The following STAB2 variants were observed in gnomAD, a reference collection of about 807,000 sequenced individuals.
STAB2 encodes stabilin-2.
STAB2 carries 288 observed loss-of-function variants against 338.1 expected under a neutral mutation model. The ratio of observed to expected loss-of-function variants is 0.85; its 90% CI spans 0.77 to 0.94. The LOEUF (loss-of-function observed/expected upper bound fraction) is 0.94, where lower values mean the gene tolerates loss of function less well. Ranked by LOEUF, STAB2 falls within the 40% of genes least tolerant of loss-of-function variation. The pLI, the probability that STAB2 is intolerant of heterozygous loss-of-function variation, is 0.00. For synonymous variants in STAB2, 1,202 were observed against 1,193.3 expected (o/e 1.01, Z -0.15); for missense variants, 3,141 against 3,210.1 (o/e 0.98, Z 0.52).
chr12:103,716,759 T>C (rs1880349554), intron 43 of STAB2, among the ~76,000 whole-genome samples: 1 of 152,218 alleles, frequency 6.6e-6, no homozygotes, highest in South Asian at 2.1e-4. Flanking sequence ...TTGGTAGTTT[T>C]TATTTCAAAC....
intron 18 of STAB2, among the ~76,000 whole-genome samples, chr12:103,665,985 C>G (rs703637): frequency 0.15 from 23,128 of 152,236 alleles, 1,810 homozygotes; most frequent in East Asian, 0.19. Context: ...TCCCTGCATG[C>G]AGAGAATTGA....
chr12:103,655,523 A>G lies in STAB2; in HGVS notation c.1676A>G (p.Asn559Ser), dbSNP rs1565988268. The G allele has an allele frequency of 6.2e-7, 1 of 1,614,090 alleles. No individual in the cohort carries two copies. The highest frequency in any genetic ancestry group is 8.5e-7 in the Non-Finnish European group (1 of 1,180,032). Residue 559 changes from asparagine to serine, a missense_variant, in exon 15 of 69, where the codon AAT becomes AGT. Physicochemically the swap from Asn to Ser is conservative, Grantham distance 46. Coordinates refer to ENST00000388887, the MANE Select transcript of STAB2 (RefSeq NM_017564.10). ...VGGPYTIFVP[N>S]NEALNNMKDG... Reference sequence around the variant, plus strand: ...GGACCATACACCATTTTTGTTCCAAATAATGAAGCATTGAATAACATGAAG... The same window carrying G: ...GGACCATACACCATTTTTGTTCCAAGTAATGAAGCATTGAATAACATGAAG...
rs697212 is a variant in STAB2, at chr12:103,706,839, C to T, written c.4044C>T (p.Cys1348=). The change falls in exon 38 of 69, where the codon TGC becomes TGT. Residue 1348 remains cysteine (C), a synonymous_variant. Transcript: ENST00000388887. ...TCTTTGGCCCCCAATGCCAGCCCTG[C>T]CCAGGGAATGCCCAGAATGTCTGCT... The part of the protein sequence containing the change: ...AGFFGPQCQP[C]PGNAQNVCFG... 0.48 allele frequency: 774,660 copies of T among 1,614,064 alleles called. 193,071 individuals are homozygous for T. The highest frequency in any genetic ancestry group is 0.71 in the East Asian group (31,708 of 44,858).
Position 103,711,475 on chromosome 12 carries a change from C to T in STAB2, c.4293C>T (p.Thr1431=). The change falls in exon 40 of 69, where the codon ACC becomes ACT. Residue 1431 remains threonine (T), a synonymous_variant. Transcript: ENST00000388887. ...GCAACTGGTTCTCTTTTTCAGCAACCACAGAAGACAACTGCAATGGGACAT... is the reference window on the plus strand; with the variant it reads ...GCAACTGGTTCTCTTTTTCAGCAACTACAGAAGACAACTGCAATGGGACAT... ...GWRGVHCDNA[T]TEDNCNGTCH... 6.2e-7 allele frequency: 1 copy of T among 1,614,002 alleles called. No individual in the cohort carries two copies. Among genetic ancestry groups the T allele is most frequent in the Non-Finnish European group, 8.5e-7 (1 of 1,180,002 alleles).
chr12:103,601,489 G>A (rs1414271093), intron 3 of STAB2, among the ~76,000 whole-genome samples: 1 of 152,212 alleles, frequency 6.6e-6, no homozygotes, highest in Non-Finnish European at 1.5e-5. Context: ...CTACTCGGGA[G>A]GCTGAGGCAC....
intron 17 of STAB2, 53 bp downstream of exon 17, chr12:103,660,816 T>C (rs368880060): frequency 6.4e-7 from 1 of 1,561,434 alleles, no homozygotes; most frequent in East Asian, 2.2e-5. Flanking sequence ...CTTTGCTCGA[T>C]AATGATTATT....
At chr12:103,725,399 A>T (rs759154298) in intron 45 of STAB2, among the ~76,000 whole-genome samples, 5 of 152,244 alleles carry the variant, frequency 3.3e-5, no homozygotes, top group Non-Finnish European at 5.9e-5. Flanking sequence ...ACCTCTCTGT[A>T]TATCAATTTT....
intron 12 of STAB2, among the ~76,000 whole-genome samples, chr12:103,653,158 T>C (rs2138736750): frequency 6.6e-6 from 1 of 152,246 alleles, no homozygotes; most frequent in East Asian, 1.9e-4. Context: ...TTGTTTTTTA[T>C]ATAAACCCAT....
chr12:103,686,054 G>T (rs1048393988), intron 27 of STAB2, among the ~76,000 whole-genome samples: 13 of 152,122 alleles, frequency 8.5e-5, no homozygotes, highest in African/African-American at 3.1e-4. Context: ...GATGATCTTT[G>T]TCTTGTTTCC....
Position 103,685,473 on chromosome 12 carries a change from C to CGTGCGTGT in STAB2, c.2997+394_2997+395insTGTGTGCG, listed in dbSNP as rs1877344597. ...GTGTGTGCGCGTGCGTGTGTGTGTG[C>CGTGCGTGT]GTGCGCGCATGTGTGTGTGTGTGTA... On this transcript the variant is annotated intron_variant, in intron 27 of 68. Coordinates refer to ENST00000388887, the MANE Select transcript of STAB2 (RefSeq NM_017564.10). Among the ~76,000 whole-genome samples, 3 of 137,790 alleles carry CGTGCGTGT rather than the reference C, an allele frequency of 2.2e-5. No homozygotes were observed. The Admixed American group carries it at 2.3e-4, about 11-fold the overall frequency. 90.4% of individuals were successfully genotyped at this position (137,790 alleles called of 152,430 possible). A position where few individuals can be genotyped will look rare whatever the true frequency, so the allele number is the denominator to read the frequency against.
intron 68 of STAB2, 79 bp downstream of exon 68, chr12:103,763,687 A>T: frequency 7.9e-7 from 1 of 1,272,080 alleles, no homozygotes; most frequent in Non-Finnish European, 1.1e-6. Flanking sequence ...TTCAGTGGAG[A>T]TCTTTGTACC....
rs756636627 is a variant in STAB2 at position 103,753,201 on chromosome 12, C to T, written c.6581-19C>T. ...ACCTGGTGGGCTGACCTGGGCGATT[C>T]CTCCTCTTCCTCATCCAGATACCAC... On this transcript the variant is annotated intron_variant, in intron 60 of 68. Coordinates refer to ENST00000388887, the MANE Select transcript of STAB2 (RefSeq NM_017564.10). 6.6e-5 allele frequency: 107 copies of T among 1,613,204 alleles called. No homozygotes were observed. Among genetic ancestry groups the T allele is most frequent in the Non-Finnish European group, 8.9e-5 (105 of 1,179,410 alleles).
chr12:103,603,172 A>G (rs1304357561), intron 3 of STAB2, among the ~76,000 whole-genome samples: 1 of 151,974 alleles, frequency 6.6e-6, no homozygotes, highest in Non-Finnish European at 1.5e-5. Context: ...CCGGGTTCAC[A>G]CCATTCTCCT....
chr12:103,604,361 A>G (rs897810393), intron 3 of STAB2, among the ~76,000 whole-genome samples: 37 of 152,170 alleles, frequency 2.4e-4, no homozygotes, highest in African/African-American at 8.9e-4. Flanking sequence ...GAATCGGGAT[A>G]ATAATGCTCC....
At position 103,766,716 on chromosome 12, in the gene STAB2, CA is replaced by C. The variant is rs1208835016; in HGVS notation, c.*383del. The C allele has an allele frequency of 1.1e-5, 2 of 182,002 alleles. No individual in the cohort carries two copies. The highest frequency in any genetic ancestry group is 2.4e-5 in the Non-Finnish European group (2 of 85,082). 11.3% of individuals were successfully genotyped at this position (182,002 alleles called of 1,614,324 possible). On this transcript the variant is annotated 3_prime_UTR_variant, in exon 69 of 69. Transcript: ENST00000388887. ...ACAATAAAGGTTTATGGAACAGAAA[CA>C]AAGTCAACAGAACAAACCTAGTGTT...
At position 103,695,768 on chromosome 12, in the gene STAB2, C is replaced by T; in HGVS notation, c.3506C>T (p.Ala1169Val). Reference sequence around the variant, plus strand: ...AATCTGGCGAATGCAATTGAGGCTGCCGATGCCTACACAGTGTTTGCTCCA... The same window carrying T: ...AATCTGGCGAATGCAATTGAGGCTGTCGATGCCTACACAGTGTTTGCTCCA... ...QYNLANAIEA[A>V]DAYTVFAPNN... The change falls in exon 33 of 69, where the codon GCC becomes GTC. Residue 1169 changes from alanine (A) to valine (V), a missense_variant. Coordinates refer to ENST00000388887, the MANE Select transcript of STAB2 (RefSeq NM_017564.10). 1.2e-6 allele frequency: 2 copies of T among 1,614,136 alleles called. No homozygotes were observed. The highest frequency in any genetic ancestry group is 1.7e-6 in the Non-Finnish European group (2 of 1,179,966).
At chr12:103,724,226 C>A (rs575233310) in intron 44 of STAB2, among the ~76,000 whole-genome samples, 1 of 152,190 alleles carries the variant, frequency 6.6e-6, no homozygotes, top group Non-Finnish European at 1.5e-5. Context: ...CCACTTCAAT[C>A]CCTCACCAGT....
At chr12:103,607,914 G>C (rs1044863943) in intron 3 of STAB2, among the ~76,000 whole-genome samples, 8 of 152,142 alleles carry the variant, frequency 5.3e-5, no homozygotes, top group Non-Finnish European at 1.2e-4. Context: ...TAATGGGATG[G>C]CTGGGTCAAA....
intron 39 of STAB2, among the ~76,000 whole-genome samples, chr12:103,710,088 T>A (rs1879716199): frequency 6.6e-6 from 1 of 152,180 alleles, no homozygotes; most frequent in Non-Finnish European, 1.5e-5. Flanking sequence ...CTGTCCTATC[T>A]TCCTCCACTC....
Sources: allele counts gnomAD v4.1 joint callset (sites outside exome capture counted in the v4.1 genomes callset), GRCh38; gene constraint gnomAD v4.1.1; transcripts MANE v1.5; gene names NCBI Gene and HGNC (gene_info 2026-07-23, HGNC 2026-07-21).